Variants in SRL observed in about 807,000 individuals in gnomAD.
The protein encoded by SRL is sarcalumenin.
A neutral mutation model predicts 39.5 loss-of-function variants in SRL; 23 were observed. The observed-to-expected ratio is 0.58, with a 90% CI of 0.42 to 0.82. The LOEUF (loss-of-function observed/expected upper bound fraction) is 0.82. Ranked by LOEUF, SRL falls within the 40% of genes least tolerant of loss-of-function variation. The probability of loss-of-function intolerance (pLI) is 0.00; values close to 1 mark genes in which losing one functional copy is unlikely to be tolerated. For synonymous variants in SRL, 272 were observed against 237.4 expected, an observed-to-expected ratio of 1.15 and a Z score of -1.34; for missense variants, 592 against 607.8, an observed-to-expected ratio of 0.97 and a Z score of 0.27.
At chr16:4,198,533 C>G (rs1229216876) in intron 3 of SRL, among the ~76,000 whole-genome samples, 1 of 151,968 alleles carries the variant, frequency 6.6e-6, no homozygotes, top group East Asian at 1.9e-4. Flanking sequence ...ACTACAATTA[C>G]TGGGCTCAAG....
In SRL at chr16:4,195,728, G is replaced by C; in HGVS notation, c.435C>G (p.Thr145=). ...TVLMHGPKLK[T]IEGIVMAADS... is the part of the protein sequence containing the mutation. ...CAGCAGCCATGACGATGCCCTCGAT[G>C]GTTTTCAGCTTAGGCCCATGCATGA... The change falls in exon 5 of 6, where the codon ACC becomes ACG. Residue 145 remains threonine, a synonymous_variant. Transcript: ENST00000399609. 6.2e-7 allele frequency: 1 copy of C among 1,614,060 alleles called. No individual in the cohort carries two copies. Among genetic ancestry groups the C allele is most frequent in the Non-Finnish European group, 8.5e-7 (1 of 1,180,006 alleles).
At chr16:4,211,606 C>G (rs1485102825) in intron 1 of SRL, among the ~76,000 whole-genome samples, 1 of 115,246 alleles carries the variant, frequency 8.7e-6, no homozygotes, top group Non-Finnish European at 1.8e-5. Context: ...TGGTGATGAC[C>G]GTGCCGATGA....
chr16:4,191,929 G>T lies in SRL; in HGVS notation c.*224C>A. On this transcript the variant is annotated 3_prime_UTR_variant, in exon 6 of 6. Coordinates refer to ENST00000399609, the MANE Select transcript of SRL (RefSeq NM_001098814.2). ...GTGGAGGCTGACTTGCCTCAATCAG[G>T]CCTCCTCATTGAAGCAACAAGACAA... is the stretch of plus-strand genomic sequence containing the variant. 2.1e-6 allele frequency: 1 copy of T among 486,324 alleles called. No homozygotes were observed. Among genetic ancestry groups the T allele is most frequent in the Non-Finnish European group, 3.6e-6 (1 of 280,628 alleles). The allele number at this position is 486,324 out of a possible 1,614,324, so 30.1% of individuals were successfully genotyped here. A position where few individuals can be genotyped will look rare whatever the true frequency, so the allele number is the denominator to read the frequency against.
chr16:4,213,414 T>TCTTTTTTTTTTC (rs2052418580), intron 1 of SRL, among the ~76,000 whole-genome samples: 1 of 127,784 alleles, frequency 7.8e-6, no homozygotes, highest in African/African-American at 3.2e-5. Context: ...CTTTTTTTTT[T>TCTTTTTTTTTTC]TTTTTTTTTT....
At chr16:4,197,574 A>G (rs11863367) in intron 4 of SRL, among the ~76,000 whole-genome samples, 7,219 of 150,894 alleles carry the variant, frequency 0.048, 516 homozygotes, top group African/African-American at 0.16. Flanking sequence ...GGAACGTGTC[A>G]CCATGCTTAG....
rs777567444 is a variant in SRL at position 4,191,967 on chromosome 16, TCA to T, written c.*184_*185del. 160 of 582,046 alleles carry T rather than the reference TCA, an allele frequency of 2.7e-4. No individual in the cohort carries two copies. Among genetic ancestry groups the T allele is most frequent in the Admixed American group, 4.9e-4 (14 of 28,488 alleles). 36.1% of individuals were successfully genotyped at this position (582,046 alleles called of 1,614,324 possible). A position where few individuals can be genotyped will look rare whatever the true frequency, so the allele number is the denominator to read the frequency against. On this transcript the variant is annotated 3_prime_UTR_variant, in exon 6 of 6. Transcript: ENST00000399609. ...AGCAACAAGACAAGCACACAGGAAT[TCA>T]CAGTTTCCACTCTCCTCCCTAGACC... is the stretch of plus-strand genomic sequence containing the variant.
chr16:4,232,266 C>T lies in SRL; in HGVS notation c.61+9741G>A, dbSNP rs74415140. On this transcript the variant is annotated intron_variant, in intron 1 of 5. Coordinates refer to ENST00000399609, the MANE Select transcript of SRL (RefSeq NM_001098814.2). ...TACTTGACACTTCTCCAGTTCTTTTCCAGATTCTTCCCAAGTCCTAGAGAG... is the reference window on the plus strand; with the variant it reads ...TACTTGACACTTCTCCAGTTCTTTTTCAGATTCTTCCCAAGTCCTAGAGAG... Among the ~76,000 whole-genome samples the T allele has an allele frequency of 6.3e-3, 961 of 152,344 alleles. 8 individuals are homozygous for T. Among genetic ancestry groups the T allele is most frequent in the African/African-American group, 0.022 (900 of 41,574 alleles).
intron 1 of SRL, among the ~76,000 whole-genome samples, chr16:4,226,874 T>C (rs539515001): frequency 7.1e-6 from 1 of 140,336 alleles, no homozygotes; most frequent in Admixed American, 7.1e-5. Context: ...GAAGGATGGA[T>C]AGGAAGAAGA....
At chr16:4,240,259 C>T (rs893774548) in intron 1 of SRL, among the ~76,000 whole-genome samples, 2 of 151,988 alleles carry the variant, frequency 1.3e-5, no homozygotes, top group African/African-American at 4.8e-5. Flanking sequence ...AAGATGTGAC[C>T]TTTGGGTGGG....
intron 1 of SRL, among the ~76,000 whole-genome samples, chr16:4,230,500 C>A (rs2052647803): frequency 1.3e-5 from 2 of 151,856 alleles, no homozygotes; most frequent in South Asian, 4.2e-4. Context: ...CCTGCCTCAG[C>A]CCCCCAAGTA....
chr16:4,202,825 G>T (rs1433127502), intron 3 of SRL, among the ~76,000 whole-genome samples: 1 of 152,172 alleles, frequency 6.6e-6, no homozygotes, highest in Non-Finnish European at 1.5e-5. Context: ...GGCACCTGTG[G>T]CCTCTGGAGC....
At chr16:4,202,675 A>C (rs2052252434) in intron 3 of SRL, among the ~76,000 whole-genome samples, 2 of 152,076 alleles carry the variant, frequency 1.3e-5, no homozygotes. Flanking sequence ...TTTTGCAACA[A>C]GTGTGTCTTA....
chr16:4,208,526 G>T (rs958256840), intron 1 of SRL, among the ~76,000 whole-genome samples: 32 of 152,190 alleles, frequency 2.1e-4, no homozygotes, highest in Admixed American at 6.5e-5. Context: ...CTCAACCTTG[G>T]AGATGCTTCC....
intron 1 of SRL, among the ~76,000 whole-genome samples, chr16:4,219,350 C>T (rs1452184959): frequency 6.6e-6 from 1 of 152,238 alleles, no homozygotes; most frequent in Admixed American, 6.5e-5. Flanking sequence ...AGCTGGGGCC[C>T]CTGGATTGCT....
At chr16:4,208,111 G>A (rs1200842875) in intron 1 of SRL, 1 of 442,994 alleles carries the variant, frequency 2.3e-6, no homozygotes, top group Non-Finnish European at 4.5e-6. Context: ...AGTTCTAAAT[G>A]ATTAGAACAT....
At chr16:4,193,708 A>G (rs1028829826) in intron 5 of SRL, among the ~76,000 whole-genome samples, 20 of 152,198 alleles carry the variant, frequency 1.3e-4, no homozygotes, top group African/African-American at 4.8e-4. Context: ...GCTGGTGCAG[A>G]ATACATTTTA....
chr16:4,205,570 G>C (rs551677924), intron 1 of SRL, among the ~76,000 whole-genome samples: 10 of 36,654 alleles, frequency 2.7e-4, no homozygotes, highest in East Asian at 7.0e-4. Flanking sequence ...GTCTCTGCTG[G>C]GGGGAGTGAG....
Position 4,192,091 on chromosome 16 carries a change from CCT to C in SRL, c.*60_*61del. ...GGCTCAAAGGGTTAATAAACCAGGA[CCT>C]CTCAGACAGTTAGGACACAAGCTGA... On this transcript the variant is annotated 3_prime_UTR_variant, in exon 6 of 6. Transcript: ENST00000399609. This position sits in a 1 kb window ranked among gnomAD's most constrained non-coding sequence, Gnocchi z 4.0. The C allele has an allele frequency of 2.0e-6, 3 of 1,486,062 alleles. No homozygotes were observed. The highest frequency in any genetic ancestry group is 2.7e-6 in the Non-Finnish European group (3 of 1,106,272). 92.1% of individuals were successfully genotyped at this position (1,486,062 alleles called of 1,614,324 possible).
intron 1 of SRL, among the ~76,000 whole-genome samples, chr16:4,227,051 AAT>A (rs2052599000): frequency 9.4e-5 from 5 of 53,212 alleles, no homozygotes; most frequent in African/African-American, 2.3e-4. Context: ...TGGATGGATG[AAT>A]GGATGGATGG....
Sources: allele counts gnomAD v4.1 joint callset (sites outside exome capture counted in the v4.1 genomes callset), GRCh38; gene constraint gnomAD v4.1.1; non-coding constraint Gnocchi (gnomAD v3.1); transcripts MANE v1.5; gene names NCBI Gene and HGNC (gene_info 2026-07-23, HGNC 2026-07-21).